The following EXD3 variants were observed in gnomAD, a reference collection of about 807,000 sequenced individuals.
The protein encoded by EXD3 is exonuclease 3'-5' domain containing 3, also known as exonuclease mut-7 homolog.
EXD3 carries 92 observed loss-of-function variants against 98.0 expected under a neutral mutation model. That is an observed-to-expected ratio of 0.94 (90% CI 0.79 to 1.12). EXD3 has a LOEUF of 1.12. Ranked by LOEUF, EXD3 falls within the 50% of genes most tolerant of loss-of-function variation. The pLI, the probability that EXD3 is intolerant of heterozygous loss-of-function variation, is 0.00. For synonymous variants in EXD3, 569 were observed against 526.0 expected (o/e 1.08, Z -1.12); for missense variants, 1,222 against 1,191.6 (o/e 1.03, Z -0.38).
At position 137,368,008 on chromosome 9, in the gene EXD3, G is replaced by A. The variant is rs747747286; in HGVS notation, c.463-19C>T. On this transcript the variant is annotated intron_variant, in intron 5 of 21. Coordinates refer to ENST00000340951, the MANE Select transcript of EXD3 (RefSeq NM_017820.5). Reference sequence around the variant, plus strand: ...TGGCTGCCTGGCAAACACAAAGGCGGCAGATTACTCAGGGCCTGGGAGGGG... The same window carrying A: ...TGGCTGCCTGGCAAACACAAAGGCGACAGATTACTCAGGGCCTGGGAGGGG... 1.2e-6 allele frequency: 2 copies of A among 1,604,174 alleles called. No individual in the cohort carries two copies. Among genetic ancestry groups the A allele is most frequent in the Non-Finnish European group, 1.7e-6 (2 of 1,178,502 alleles).
chr9:137,408,510 A>G (rs1366644892), intron 1 of EXD3, among the ~76,000 whole-genome samples: 9 of 139,952 alleles, frequency 6.4e-5, no homozygotes, highest in Non-Finnish European at 1.2e-4. Context: ...TCGCACCACT[A>G]CACTCCAGCC....
intron 17 of EXD3, among the ~76,000 whole-genome samples, chr9:137,328,656 A>G (rs1181194348): frequency 1.9e-3 from 142 of 75,414 alleles, no homozygotes; most frequent in Non-Finnish European, 2.6e-3. Context: ...ACGGGACTAC[A>G]CGGGACTACA....
chr9:137,372,427 C>T lies in EXD3; in HGVS notation c.462+478G>A, dbSNP rs377738793. On this transcript the variant is annotated intron_variant, in intron 5 of 21. Transcript: ENST00000340951. ...CTCTTCTGCTCGGCCCCTCTGGGAGCGTTTCCTTCCAGGGCGCTCACTGCC... is the reference window on the plus strand; with the variant it reads ...CTCTTCTGCTCGGCCCCTCTGGGAGTGTTTCCTTCCAGGGCGCTCACTGCC... 7.2e-5 allele frequency among the ~76,000 whole-genome samples: 11 copies of T among 152,230 alleles called. No homozygotes were observed. The East Asian group carries it at 7.7e-4, about 11-fold the overall frequency.
chr9:137,397,220 A>G (rs1402766449), intron 1 of EXD3, among the ~76,000 whole-genome samples: 1 of 152,216 alleles, frequency 6.6e-6, no homozygotes, highest in African/African-American at 2.4e-5. Flanking sequence ...CCTGCTCCAG[A>G]GCCTCTCGCC....
At chr9:137,354,107 T>C in intron 10 of EXD3, 2 of 1,314,370 alleles carry the variant, frequency 1.5e-6, no homozygotes, top group Non-Finnish European at 1.9e-6. Flanking sequence ...GCCGTCTGCC[T>C]GGAACGAGGC....
chr9:137,310,377 C>T (rs1421671830), intron 19 of EXD3, among the ~76,000 whole-genome samples: 1 of 152,192 alleles, frequency 6.6e-6, no homozygotes, highest in Admixed American at 6.5e-5. Flanking sequence ...CTGAGTAGTA[C>T]ACCACCACAC....
chr9:137,368,166 C>T (rs1455148206), intron 5 of EXD3, among the ~76,000 whole-genome samples, 177 bp from the exon 6 acceptor site: 1 of 149,298 alleles, frequency 6.7e-6, no homozygotes, highest in Non-Finnish European at 1.5e-5. Context: ...GCAGACAAGC[C>T]CCCCCGTGCT....
chr9:137,352,896 CG>C, intron 10 of EXD3, 110 bp from the exon 11 acceptor site: 1 of 1,451,560 alleles, frequency 6.9e-7, no homozygotes. Flanking sequence ...TATGAGCACT[CG>C]GGGAGGAGGG....
At chr9:137,350,429 G>A (rs1237955246) in intron 14 of EXD3, among the ~76,000 whole-genome samples, 22 of 112,880 alleles carry the variant, frequency 1.9e-4, no homozygotes, top group African/African-American at 7.4e-4. Context: ...GGGGATCACG[G>A]GGAAGGTTCT....
chr9:137,420,750 A>G (rs998175400), intron 1 of EXD3, among the ~76,000 whole-genome samples: 29 of 86,320 alleles, frequency 3.4e-4, no homozygotes, highest in African/African-American at 9.9e-4. Context: ...CCCCCCCCCA[A>G]ATTCATACAG....
intron 19 of EXD3, among the ~76,000 whole-genome samples, chr9:137,319,163 G>T (rs984665729): frequency 1.3e-5 from 2 of 152,244 alleles, no homozygotes. Context: ...CCAGGGCGGA[G>T]GGCCGATCTC....
Position 137,349,193 on chromosome 9 carries a change from G to T in EXD3, c.1747C>A (p.Arg583=). 6.3e-7 allele frequency: 1 copy of T among 1,587,318 alleles called. No homozygotes were observed. The highest frequency in any genetic ancestry group is 1.1e-5 in the South Asian group (1 of 88,554). The change falls in exon 16 of 22, where the codon CGG becomes AGG. Residue 583 remains arginine (R), a synonymous_variant. Coordinates refer to ENST00000340951, the MANE Select transcript of EXD3 (RefSeq NM_017820.5). The surrounding 1 kb of genome is among the most constrained non-coding windows in gnomAD (Gnocchi z 7.4). ...GGTCTCTCTCTGTGCCTGGGCCTCC[G>T]GCTCCCAGCCAGGTCCTCCGACAGG... The part of the protein sequence containing the change: ...FHLSEDLAGS[R]RPRHRERPGA...
chr9:137,365,755 C>T (rs1835207556), intron 7 of EXD3: 1 of 323,358 alleles, frequency 3.1e-6, no homozygotes, highest in African/African-American at 2.2e-5. Context: ...CACATACATG[C>T]ACACACACAC....
At chr9:137,412,180 G>A (rs751619642) in intron 1 of EXD3, among the ~76,000 whole-genome samples, 1 of 152,178 alleles carries the variant, frequency 6.6e-6, no homozygotes, top group Non-Finnish European at 1.5e-5. Flanking sequence ...GCGAGTGGGC[G>A]GGCAACACTG....
intron 8 of EXD3, among the ~76,000 whole-genome samples, chr9:137,355,310 T>A (rs998828117): frequency 6.6e-6 from 1 of 152,074 alleles, no homozygotes; most frequent in Non-Finnish European, 1.5e-5. Flanking sequence ...CCAGTGGTGC[T>A]AACGGGCTGG....
intron 5 of EXD3, among the ~76,000 whole-genome samples, chr9:137,368,351 G>A (rs1006516811): frequency 1.3e-5 from 2 of 152,208 alleles, no homozygotes; most frequent in Non-Finnish European, 2.9e-5. Flanking sequence ...GCGCAAAGCC[G>A]TGACCTCCCA....
intron 1 of EXD3, among the ~76,000 whole-genome samples, chr9:137,414,341 C>A (rs1838141045): frequency 6.6e-6 from 1 of 152,230 alleles, no homozygotes; most frequent in African/African-American, 2.4e-5. Flanking sequence ...TGTGCACAGA[C>A]CACGGGCTGT....
chr9:137,322,470 A>G (rs1340252795), intron 19 of EXD3, among the ~76,000 whole-genome samples: 5 of 97,302 alleles, frequency 5.1e-5, no homozygotes, highest in East Asian at 3.1e-4. Flanking sequence ...CTCTGCCGAC[A>G]CCTCACCCCG....
chr9:137,348,213 T>TCAGACA lies in EXD3; in HGVS notation c.1850_1855dup (p.Val617_Ser618dup), dbSNP rs967697682. 1.9e-6 allele frequency: 3 copies of TCAGACA among 1,610,824 alleles called. No individual in the cohort carries two copies. In the African/African-American group the frequency reaches 4.0e-5, roughly 22 times the overall value. ...GGCCGGAATCTGAGGGGCAGCGCCC[T>TCAGACA]CAGACACAGCCACAGCCACAGGGAC... is the stretch of plus-strand genomic sequence containing the variant. On this transcript the variant is annotated inframe_insertion, in exon 17 of 22. Coordinates refer to ENST00000340951, the MANE Select transcript of EXD3 (RefSeq NM_017820.5).
Sources: allele counts gnomAD v4.1 joint callset (sites outside exome capture counted in the v4.1 genomes callset), GRCh38; gene constraint gnomAD v4.1.1; non-coding constraint Gnocchi (gnomAD v3.1); transcripts MANE v1.5; gene names NCBI Gene and HGNC (gene_info 2026-07-23, HGNC 2026-07-21).